The following CFAP77 variants were observed in gnomAD, a reference collection of about 807,000 sequenced individuals.
CFAP77 encodes the protein cilia and flagella associated protein 77, also known as cilia- and flagella-associated protein 77.
Under a neutral mutation model 31.1 loss-of-function variants are expected in CFAP77, and 25 were observed. The ratio of observed to expected loss-of-function variants is 0.80; its 90% CI spans 0.59 to 1.12. The LOEUF (loss-of-function observed/expected upper bound fraction) is 1.12. CFAP77 is among the 50% of genes most tolerant of loss of function. The pLI is 0.00. For missense variants in CFAP77, 377 were observed against 397.3 expected, an observed-to-expected ratio of 0.95 and a Z score of 0.44; for synonymous variants, 151 against 159.9, an observed-to-expected ratio of 0.94 and a Z score of 0.42.
At chr9:132,506,104 T>C (rs965578412) in intron 3 of CFAP77, among the ~76,000 whole-genome samples, 4 of 152,218 alleles carry the variant, frequency 2.6e-5, no homozygotes, top group Admixed American at 2.0e-4. Context: ...CTATCCAGTC[T>C]GGCAGCTGGC....
intron 1 of CFAP77, among the ~76,000 whole-genome samples, chr9:132,478,611 A>T (rs1851392064): frequency 6.6e-6 from 1 of 152,180 alleles, no homozygotes; most frequent in Non-Finnish European, 1.5e-5. Flanking sequence ...GCCAGGGACA[A>T]AAAACGCGAG....
intron 3 of CFAP77, among the ~76,000 whole-genome samples, chr9:132,509,851 C>T (rs1301663557): frequency 6.6e-6 from 1 of 152,180 alleles, no homozygotes; most frequent in Non-Finnish European, 1.5e-5. Flanking sequence ...ATCTTTTCCC[C>T]CTTCCACTCC....
At chr9:132,412,289 C>G (rs1360640613) in intron 1 of CFAP77, among the ~76,000 whole-genome samples, 1 of 152,226 alleles carries the variant, frequency 6.6e-6, no homozygotes, top group African/African-American at 2.4e-5. Context: ...CTCGTGCTCT[C>G]TGATGATGGA....
chr9:132,567,997 G>C (rs1288180040), intron 5 of CFAP77, among the ~76,000 whole-genome samples: 3 of 152,136 alleles, frequency 2.0e-5, no homozygotes, highest in African/African-American at 7.2e-5. Context: ...AGTTCTGGGG[G>C]TTAGTACATG....
At chr9:132,458,342 C>CGTGGGGGG (rs145223432) in intron 1 of CFAP77, among the ~76,000 whole-genome samples, 55 of 71,056 alleles carry the variant, frequency 7.7e-4, no homozygotes, top group Admixed American at 2.6e-3. Flanking sequence ...GTCTCCCTGG[C>CGTGGGGGG]GGGGGAGGGG....
intron 1 of CFAP77, among the ~76,000 whole-genome samples, chr9:132,486,050 ATGTATGTGTG>A (rs1347021248): frequency 2.8e-5 from 1 of 36,104 alleles, no homozygotes; most frequent in African/African-American, 2.7e-4. Context: ...ATGTATGTAT[ATGTATGTGTG>A]TGTGTGTATA....
chr9:132,529,833 AAAAAGAAAAG>A (rs779281338), intron 3 of CFAP77, among the ~76,000 whole-genome samples: 1 of 149,652 alleles, frequency 6.7e-6, no homozygotes, highest in African/African-American at 2.4e-5. Flanking sequence ...TCAAAAAAAA[AAAAAGAAAAG>A]AAAAGAAAAG....
At position 132,480,981 on chromosome 9, in the gene CFAP77, C is replaced by T. The variant is rs905482400; in HGVS notation, c.196-17714C>T. On this transcript the variant is annotated intron_variant, in intron 1 of 5. Transcript: ENST00000393216. The surrounding 1 kb of genome is among the most constrained non-coding windows in gnomAD (Gnocchi z 5.8). ...TGTATCCACCTTGGGTTGCTTATTT[C>T]TTCACAGCAGGCTGAGATCTGTTAG... 5.4e-4 allele frequency among the ~76,000 whole-genome samples: 82 copies of T among 152,192 alleles called. No homozygotes were observed. The highest frequency in any genetic ancestry group is 1.8e-3 in the Admixed American group (27 of 15,276).
chr9:132,496,589 A>G (rs1243338624), intron 1 of CFAP77, among the ~76,000 whole-genome samples: 1 of 152,224 alleles, frequency 6.6e-6, no homozygotes, highest in Non-Finnish European at 1.5e-5. Flanking sequence ...GGAATCATGC[A>G]GGATGCGGCA....
At chr9:132,461,465 A>T (rs1364772329) in intron 1 of CFAP77, among the ~76,000 whole-genome samples, 1 of 152,192 alleles carries the variant, frequency 6.6e-6, no homozygotes, top group Non-Finnish European at 1.5e-5. Context: ...CTCGGGGACC[A>T]TGTCTATTTC....
intron 1 of CFAP77, among the ~76,000 whole-genome samples, chr9:132,418,777 G>A (rs1038240521): frequency 2.0e-5 from 3 of 152,188 alleles, no homozygotes; most frequent in African/African-American, 2.4e-5. Flanking sequence ...ATCACTGACC[G>A]GTAGACAAGC....
At chr9:132,544,147 A>G (rs1331331465) in intron 5 of CFAP77, among the ~76,000 whole-genome samples, 1 of 135,020 alleles carries the variant, frequency 7.4e-6, no homozygotes, top group African/African-American at 2.9e-5. Flanking sequence ...CACCGGAGAA[A>G]CCTGCTCTGC....
intron 4 of CFAP77, among the ~76,000 whole-genome samples, chr9:132,540,825 T>C (rs78018055): frequency 0.021 from 3,226 of 152,238 alleles, 125 homozygotes; most frequent in African/African-American, 0.073. Context: ...ATAACCTGCT[T>C]GAGGGGAGAA....
At chr9:132,459,216 C>T (rs974299465) in intron 1 of CFAP77, among the ~76,000 whole-genome samples, 9 of 151,984 alleles carry the variant, frequency 5.9e-5, no homozygotes, top group African/African-American at 4.8e-5. Flanking sequence ...GGACTACAGG[C>T]GCCCGCCACC....
At chr9:132,546,593 G>A (rs1318384900) in intron 5 of CFAP77, among the ~76,000 whole-genome samples, 3 of 152,262 alleles carry the variant, frequency 2.0e-5, no homozygotes, top group East Asian at 1.9e-4. Flanking sequence ...CCTGCCAGAG[G>A]GGCTGCCGAG....
intron 1 of CFAP77, among the ~76,000 whole-genome samples, chr9:132,491,633 T>C (rs1035926440): frequency 2.6e-5 from 4 of 152,262 alleles, no homozygotes; most frequent in African/African-American, 9.6e-5. Flanking sequence ...TATTCCTTGA[T>C]TTAACCCATT....
intron 1 of CFAP77, among the ~76,000 whole-genome samples, chr9:132,422,360 CCT>C (rs33921754): frequency 0.11 from 17,426 of 152,120 alleles, 1,228 homozygotes; most frequent in East Asian, 0.4. Context: ...GCCAAGGACT[CCT>C]CACTCAGGGA....
chr9:132,556,996 C>G (rs890711075), intron 5 of CFAP77, among the ~76,000 whole-genome samples: 4 of 152,228 alleles, frequency 2.6e-5, no homozygotes, highest in Non-Finnish European at 5.9e-5. Flanking sequence ...GGCTCCGGCG[C>G]TAAATTCTTT....
rs546163802 is a variant in CFAP77 at position 132,568,340 on chromosome 9, AG to A, written c.733-4046del. On this transcript the variant is annotated intron_variant, in intron 5 of 5. Coordinates refer to ENST00000393216, the MANE Select transcript of CFAP77 (RefSeq NM_001282957.2). ...GAGGCCGAGGCGGGTGGATCACCTG[AG>A]GTCAAGAGTTCCAGACCAGCCTGGC... Among the ~76,000 whole-genome samples the A allele has an allele frequency of 1.0e-3, 152 of 152,294 alleles. 1 individual carries two copies. Among genetic ancestry groups the A allele is most frequent in the African/African-American group, 3.4e-3 (143 of 41,544 alleles).
Sources: gnomAD v4.1 joint callset for allele counts (sites outside exome capture counted in the v4.1 genomes callset) on GRCh38, gnomAD v4.1.1 for gene constraint, Gnocchi (gnomAD v3.1) non-coding constraint, MANE v1.5 for transcripts, NCBI Gene and HGNC (gene_info 2026-07-23, HGNC 2026-07-21) for gene names.